RAB2A: variants seen among roughly 807,000 people sequenced by gnomAD.
RAB2A encodes the protein ras-related protein Rab-2A.
Under a neutral mutation model 32.5 loss-of-function variants are expected in RAB2A, and 7 were observed. The ratio of observed to expected loss-of-function variants is 0.22; its 90% confidence interval spans 0.12 to 0.40. The LOEUF is 0.40. Ranked by LOEUF, RAB2A falls within the 10% of genes least tolerant of loss-of-function variation. The probability of loss-of-function intolerance (pLI) is 1.00; values close to 1 mark genes in which losing one functional copy is unlikely to be tolerated. For synonymous variants in RAB2A, 79 were observed against 85.2 expected (o/e 0.93, Z 0.40); for missense variants, 108 against 260.7 (o/e 0.41, Z 4.03).
intron 6 of RAB2A, among the ~76,000 whole-genome samples, chr8:60,598,181 G>A (rs1282111754): frequency 2.0e-5 from 3 of 152,164 alleles, no homozygotes; most frequent in Non-Finnish European, 4.4e-5. Flanking sequence ...TGGGCAACAA[G>A]AGTGAAACTA....
At chr8:60,612,507 A>G (rs551246197) in intron 6 of RAB2A, among the ~76,000 whole-genome samples, 1 of 152,338 alleles carries the variant, frequency 6.6e-6, no homozygotes, top group Admixed American at 6.5e-5. Context: ...AGGATGTAGG[A>G]AGTATATGCT....
chr8:60,551,908 G>T (rs1440210792), intron 1 of RAB2A: 1 of 134,066 alleles, frequency 7.5e-6, no homozygotes, highest in African/African-American at 2.9e-5. Flanking sequence ...GTGTCGCCCA[G>T]ACTGGAGTTC....
At chr8:60,526,299 C>CTTT (rs775274130) in intron 1 of RAB2A, among the ~76,000 whole-genome samples, 26 of 152,016 alleles carry the variant, frequency 1.7e-4, no homozygotes, top group Non-Finnish European at 2.8e-4. Flanking sequence ...CATCTGAGAG[C>CTTT]TTTTCCCGAC....
Position 60,623,476 on chromosome 8 carries a change from T to C in RAB2A, c.*2707T>C, listed in dbSNP as rs1376411391. ...AGGTTGGCAGCATGGGGTTTGACTA[T>C]ATGAGCTAAAAGATACACAAAGAGA... On this transcript the variant is annotated 3_prime_UTR_variant, in exon 8 of 8. Coordinates refer to ENST00000262646, the MANE Select transcript of RAB2A (RefSeq NM_002865.3). 3 of 152,202 alleles carry C rather than the reference T, an allele frequency of 2.0e-5. No individual in the cohort carries two copies. In the East Asian group the frequency reaches 5.8e-4, roughly 29 times the overall value. 9.4% of individuals were successfully genotyped at this position (152,202 alleles called of 1,614,324 possible). A position where few individuals can be genotyped will look rare whatever the true frequency, so the allele number is the denominator to read the frequency against.
chr8:60,534,924 T>A (rs6987084), intron 1 of RAB2A, among the ~76,000 whole-genome samples: 58,821 of 151,966 alleles, frequency 0.39, 11,491 homozygotes, highest in East Asian at 0.55. Flanking sequence ...CCTTTTTTTT[T>A]TTCTTGCTTG....
intron 2 of RAB2A, among the ~76,000 whole-genome samples, chr8:60,561,401 G>A (rs2064783631): frequency 1.3e-5 from 2 of 152,098 alleles, no homozygotes; most frequent in South Asian, 4.1e-4. Flanking sequence ...TAATATTTAG[G>A]TGTGTCTCAA....
chr8:60,536,370 TTATAA>T (rs1208826647), intron 1 of RAB2A, among the ~76,000 whole-genome samples: 3 of 152,212 alleles, frequency 2.0e-5, no homozygotes, highest in African/African-American at 4.8e-5. Context: ...ACCATTTGTA[TTATAA>T]TATACGACTT....
intron 1 of RAB2A, among the ~76,000 whole-genome samples, chr8:60,518,143 G>A (rs1807239095): frequency 1.3e-5 from 2 of 152,150 alleles, no homozygotes; most frequent in Non-Finnish European, 2.9e-5. Context: ...TCACAGAAAA[G>A]TAAACAGACT....
intron 1 of RAB2A, among the ~76,000 whole-genome samples, chr8:60,556,493 TA>T (rs897814019): frequency 4.0e-5 from 6 of 151,450 alleles, no homozygotes; most frequent in Admixed American, 2.0e-4. Flanking sequence ...AATTAAAATT[TA>T]AAAAAAAATT....
chr8:60,567,911 T>C (rs570034290), intron 2 of RAB2A, among the ~76,000 whole-genome samples: 1 of 152,304 alleles, frequency 6.6e-6, no homozygotes, highest in African/African-American at 2.4e-5. Flanking sequence ...AATTTCCAAA[T>C]TGAAAATATT....
intron 6 of RAB2A, among the ~76,000 whole-genome samples, chr8:60,604,528 A>G (rs1804194004): frequency 6.6e-6 from 1 of 152,194 alleles, no homozygotes; most frequent in East Asian, 1.9e-4. Flanking sequence ...CAAAATGCTG[A>G]TAATGATGTG....
Position 60,571,922 on chromosome 8 carries a change from G to A in RAB2A, c.119-124G>A, listed in dbSNP as rs895973486. The A allele has an allele frequency of 2.5e-4, 140 of 567,146 alleles. No individual in the cohort carries two copies. In the East Asian group the frequency reaches 4.7e-3, roughly 19 times the overall value. The allele number at this position is 567,146 out of a possible 1,614,324, so 35.1% of individuals were successfully genotyped here. On this transcript the variant is annotated intron_variant, in intron 2 of 7. Coordinates refer to ENST00000262646, the MANE Select transcript of RAB2A (RefSeq NM_002865.3). Reference sequence around the variant, plus strand: ...TTTTCTAAGTATAGGAACTGCATTTGTTAAAGTTGATCTGTATATTACCTA... The same window carrying A: ...TTTTCTAAGTATAGGAACTGCATTTATTAAAGTTGATCTGTATATTACCTA...
intron 6 of RAB2A, among the ~76,000 whole-genome samples, chr8:60,614,187 C>A (rs915466475): frequency 1.7e-5 from 2 of 115,784 alleles, no homozygotes; most frequent in Non-Finnish European, 3.8e-5. Flanking sequence ...TTTAAAGACC[C>A]TGTTAGCACA....
At chr8:60,586,646 A>G (rs1417366251) in intron 5 of RAB2A, among the ~76,000 whole-genome samples, 1 of 152,066 alleles carries the variant, frequency 6.6e-6, no homozygotes, top group Non-Finnish European at 1.5e-5. Flanking sequence ...GCCAGGTACA[A>G]TGGCTCACAT....
chr8:60,521,599 G>GT (rs775673197), intron 1 of RAB2A, among the ~76,000 whole-genome samples: 3 of 152,130 alleles, frequency 2.0e-5, no homozygotes, highest in Non-Finnish European at 2.9e-5. Context: ...GTGAAATTAT[G>GT]TATCATGCTA....
chr8:60,520,197 C>CT (rs1279578664), intron 1 of RAB2A, among the ~76,000 whole-genome samples: 1 of 152,184 alleles, frequency 6.6e-6, no homozygotes, highest in African/African-American at 2.4e-5. Flanking sequence ...AGAATTCCCT[C>CT]TTTAATAGAA....
At chr8:60,610,365 AGTACTTGAAAGTCT>A (rs1260222729) in intron 6 of RAB2A, among the ~76,000 whole-genome samples, 1 of 152,174 alleles carries the variant, frequency 6.6e-6, no homozygotes, top group African/African-American at 2.4e-5. Flanking sequence ...ATTCTGTCTC[AGTACTTGAAAGTCT>A]GTAGACTTTA....
chr8:60,554,927 G>A (rs1341705368), intron 1 of RAB2A, among the ~76,000 whole-genome samples: 1 of 152,226 alleles, frequency 6.6e-6, no homozygotes, highest in Non-Finnish European at 1.5e-5. Flanking sequence ...GAAAAGTAAT[G>A]AAAGGCAGAG....
At chr8:60,552,177 A>G (rs1018700288) in intron 1 of RAB2A, among the ~76,000 whole-genome samples, 2 of 150,632 alleles carry the variant, frequency 1.3e-5, no homozygotes, top group African/African-American at 4.9e-5. Flanking sequence ...TACTTTCTGT[A>G]TTTTTAGTAG....
Sources: allele counts gnomAD v4.1 joint callset (sites outside exome capture counted in the v4.1 genomes callset), GRCh38; gene constraint gnomAD v4.1.1; transcripts MANE v1.5; gene names NCBI Gene and HGNC (gene_info 2026-07-23, HGNC 2026-07-21).